The following RASSF3 variants were observed in gnomAD, a reference collection of about 807,000 sequenced individuals.
RASSF3 encodes the protein ras association domain-containing protein 3.
Under a neutral mutation model 19.9 loss-of-function variants are expected in RASSF3, and 19 were observed. The observed-to-expected ratio is 0.96, with a 90% CI of 0.67 to 1.40. The LOEUF is 1.40. Ranked by LOEUF, RASSF3 falls within the 40% of genes most tolerant of loss-of-function variation. The pLI is 0.00. For missense variants in RASSF3, 306 were observed against 289.8 expected, an observed-to-expected ratio of 1.06 and a Z score of -0.41; for synonymous variants, 110 against 104.2, an observed-to-expected ratio of 1.06 and a Z score of -0.34.
At chr12:64,586,605 G>T (rs1242383386) in intron 2 of RASSF3, among the ~76,000 whole-genome samples, 3 of 150,372 alleles carry the variant, frequency 2.0e-5, no homozygotes, top group Admixed American at 2.0e-4. Context: ...TCCTCATTTT[G>T]CAGATGAGAA....
chr12:64,560,276 A>G (rs11833090), intron 2 of RASSF3, among the ~76,000 whole-genome samples: 2,364 of 152,308 alleles, frequency 0.016, 60 homozygotes, highest in African/African-American at 0.054. Context: ...CTCTAGGACT[A>G]TCAGAGCCTC....
chr12:64,577,164 G>A (rs776879150), intron 2 of RASSF3, among the ~76,000 whole-genome samples: 2 of 152,090 alleles, frequency 1.3e-5, no homozygotes, highest in African/African-American at 4.8e-5. Flanking sequence ...GTTGTTAAAC[G>A]CTACTCGGCT....
intron 1 of RASSF3, among the ~76,000 whole-genome samples, chr12:64,650,933 A>T (rs1472160650): frequency 1.3e-5 from 2 of 152,130 alleles, no homozygotes; most frequent in East Asian, 3.9e-4. Context: ...TGCATGCGCG[A>T]TTGTATGGCT....
chr12:64,652,408 CT>C (rs1871992537), intron 1 of RASSF3, among the ~76,000 whole-genome samples: 3 of 149,984 alleles, frequency 2.0e-5, no homozygotes, highest in African/African-American at 7.4e-5. Context: ...TTTTCTCCCC[CT>C]CCCCCTCCCC....
chr12:64,664,459 C>T (rs1285692187), intron 1 of RASSF3, among the ~76,000 whole-genome samples: 3 of 152,164 alleles, frequency 2.0e-5, no homozygotes, highest in African/African-American at 2.4e-5. Context: ...CCACCCATCT[C>T]GGCCTCCCTA....
intron 2 of RASSF3, among the ~76,000 whole-genome samples, chr12:64,568,177 G>A (rs548089561): frequency 3.9e-5 from 6 of 152,182 alleles, no homozygotes; most frequent in South Asian, 4.2e-4. Flanking sequence ...GATTACAGGC[G>A]TGGGCCACCA....
chr12:64,680,707 G>A (rs557879857), intron 1 of RASSF3, among the ~76,000 whole-genome samples: 2 of 151,908 alleles, frequency 1.3e-5, no homozygotes, highest in South Asian at 2.1e-4. Context: ...TCCGCCTCCC[G>A]GTTTCAAGCG....
chr12:64,555,207 G>A (rs191196936), intron 2 of RASSF3, among the ~76,000 whole-genome samples: 13 of 151,954 alleles, frequency 8.6e-5, no homozygotes, highest in African/African-American at 3.1e-4. Context: ...TCGCACCACT[G>A]CACTCCAGTG....
At chr12:64,599,654 G>T (rs1219188486) in intron 2 of RASSF3, among the ~76,000 whole-genome samples, 2 of 152,090 alleles carry the variant, frequency 1.3e-5, no homozygotes, top group Non-Finnish European at 2.9e-5. Flanking sequence ...CTGCCTTGCC[G>T]CTTGCCGTTG....
intron 1 of RASSF3, among the ~76,000 whole-genome samples, chr12:64,662,808 A>G (rs1167804745): frequency 6.6e-6 from 1 of 152,068 alleles, no homozygotes; most frequent in Non-Finnish European, 1.5e-5. Context: ...TTTCTGGGGC[A>G]TGGTGTCTGT....
chr12:64,602,786 C>T (rs748454447), intron 2 of RASSF3, among the ~76,000 whole-genome samples: 1 of 151,774 alleles, frequency 6.6e-6, no homozygotes, highest in Non-Finnish European at 1.5e-5. Context: ...AGGATTTCTC[C>T]CTATACTCTT....
At chr12:64,689,426 A>G (rs1873490618) in intron 3 of RASSF3, among the ~76,000 whole-genome samples, 1 of 152,190 alleles carries the variant, frequency 6.6e-6, no homozygotes, top group Non-Finnish European at 1.5e-5. Context: ...GACCCTGTGG[A>G]ATACAAAGAT....
intron 4 of RASSF3, among the ~76,000 whole-genome samples, chr12:64,693,548 A>G (rs190219840): frequency 8.5e-5 from 13 of 152,120 alleles, no homozygotes; most frequent in Non-Finnish European, 1.3e-4. Context: ...CCTCCCAAGT[A>G]ACTGGGACTA....
chr12:64,622,404 T>G (rs1870810317), intron 1 of RASSF3: 4 of 511,210 alleles, frequency 7.8e-6, no homozygotes, highest in Non-Finnish European at 1.2e-5. Context: ...GAAAAAAGGA[T>G]GGTAGGACAA....
At chr12:64,546,074 C>T (rs1444168181), downstream of RASSF3, among the ~76,000 whole-genome samples, 1 of 120,896 alleles carries the variant, frequency 8.3e-6, no homozygotes, top group Non-Finnish European at 1.6e-5. Flanking sequence ...CCAGCCTCCG[C>T]GACAGAGCAA....
intron 2 of RASSF3, among the ~76,000 whole-genome samples, chr12:64,568,248 G>C (rs1176576298): frequency 6.6e-6 from 1 of 152,076 alleles, no homozygotes; most frequent in East Asian, 1.9e-4. Flanking sequence ...GGCCAGGCTA[G>C]TCTTGAACTC....
chr12:64,596,010 G>A (rs1390297363), intron 2 of RASSF3, among the ~76,000 whole-genome samples: 1 of 152,180 alleles, frequency 6.6e-6, no homozygotes, highest in South Asian at 2.1e-4. Flanking sequence ...GACCTAACTT[G>A]TTTGACTGTA....
At chr12:64,524,114 C>G (rs1868534179) in intron 1 of RASSF3, among the ~76,000 whole-genome samples, 1 of 150,594 alleles carries the variant, frequency 6.6e-6, no homozygotes, top group South Asian at 2.1e-4. Context: ...TGCAGTGGCA[C>G]AATCTCGGCT....
upstream of RASSF3, among the ~76,000 whole-genome samples, chr12:64,607,344 C>T (rs886781331): frequency 1.4e-5 from 2 of 143,458 alleles, no homozygotes; most frequent in African/African-American, 5.3e-5. Flanking sequence ...AACAAAATCA[C>T]AATTCTTCCT....
Sources: allele counts gnomAD v4.1 joint callset (sites outside exome capture counted in the v4.1 genomes callset), GRCh38; gene constraint gnomAD v4.1.1; transcripts MANE v1.5; gene names NCBI Gene and HGNC (gene_info 2026-07-23, HGNC 2026-07-21).